The following CADPS2 variants were observed in gnomAD, a reference collection of about 807,000 sequenced individuals.
CADPS2 encodes calcium-dependent secretion activator 2.
In CADPS2, 93 loss-of-function variants were observed where a neutral mutation model predicts 172.5. The ratio of observed to expected loss-of-function variants is 0.54; its 90% CI spans 0.46 to 0.64. The LOEUF is 0.64. Among genes scored for constraint, CADPS2 ranks in the 30% least tolerant of loss-of-function variants. The probability of loss-of-function intolerance (pLI) is 0.00; values close to 1 mark genes in which losing one functional copy is unlikely to be tolerated. For synonymous variants in CADPS2, 546 were observed against 555.2 expected, an observed-to-expected ratio of 0.98 and a Z score of 0.23; for missense variants, 1,420 against 1,565.9, an observed-to-expected ratio of 0.91 and a Z score of 1.57.
At chr7:122,623,206 C>T (rs1172944145) in intron 4 of CADPS2, among the ~76,000 whole-genome samples, 1 of 150,332 alleles carries the variant, frequency 6.7e-6, no homozygotes, top group African/African-American at 2.5e-5. Flanking sequence ...AGGCAACTAC[C>T]CAGCTATAAA....
intron 6 of CADPS2, among the ~76,000 whole-genome samples, chr7:122,588,529 C>T (rs1048385976): frequency 6.6e-6 from 1 of 151,834 alleles, no homozygotes; most frequent in Non-Finnish European, 1.5e-5. Flanking sequence ...GTTAAATTAT[C>T]CTTCTTAAAA....
intron 6 of CADPS2, among the ~76,000 whole-genome samples, chr7:122,610,323 TAAA>T (rs11459230): frequency 6.7e-6 from 1 of 150,204 alleles, no homozygotes; most frequent in Admixed American, 6.6e-5. Flanking sequence ...TTACTATTTG[TAAA>T]AAAAAAGTGT....
chr7:122,539,149 C>T (rs189633997), intron 8 of CADPS2, among the ~76,000 whole-genome samples: 15 of 152,178 alleles, frequency 9.9e-5, no homozygotes, highest in African/African-American at 3.6e-4. Flanking sequence ...ATGTGTCAGA[C>T]ACTTAAAACC....
At chr7:122,430,218 T>C (rs368411305) in intron 17 of CADPS2, among the ~76,000 whole-genome samples, 2 of 152,198 alleles carry the variant, frequency 1.3e-5, no homozygotes, top group Non-Finnish European at 2.9e-5. Flanking sequence ...CTACCTTTTG[T>C]TCAGGGCACC....
chr7:122,349,930 T>C (rs2038284978), intron 27 of CADPS2, among the ~76,000 whole-genome samples: 1 of 152,166 alleles, frequency 6.6e-6, no homozygotes, highest in South Asian at 2.1e-4. Flanking sequence ...AACCTTCCAC[T>C]GAAGGTTAGC....
At chr7:122,509,204 T>G (rs958552207) in intron 9 of CADPS2, among the ~76,000 whole-genome samples, 3 of 152,126 alleles carry the variant, frequency 2.0e-5, no homozygotes, top group African/African-American at 7.2e-5. Context: ...ATTTCAGAAA[T>G]CAATAGGATG....
chr7:122,625,211 C>A (rs772263597), intron 4 of CADPS2, among the ~76,000 whole-genome samples: 9 of 151,970 alleles, frequency 5.9e-5, no homozygotes, highest in Admixed American at 3.9e-4. Flanking sequence ...CCACCACGCC[C>A]GGCTAATTTT....
chr7:122,674,582 C>CCTGCT (rs2082211565), intron 2 of CADPS2, among the ~76,000 whole-genome samples: 1 of 152,192 alleles, frequency 6.6e-6, no homozygotes, highest in Non-Finnish European at 1.5e-5. Flanking sequence ...ACTATATCTG[C>CCTGCT]CAAAAGTAAG....
chr7:122,425,110 C>T (rs2048989079), intron 17 of CADPS2, among the ~76,000 whole-genome samples: 1 of 152,024 alleles, frequency 6.6e-6, no homozygotes, highest in Admixed American at 6.6e-5. Context: ...CCTCAGCCTC[C>T]TAAGTAGCTG....
chr7:122,656,149 TAAGA>T (rs1367638723), intron 3 of CADPS2, among the ~76,000 whole-genome samples: 1 of 151,832 alleles, frequency 6.6e-6, no homozygotes, highest in Non-Finnish European at 1.5e-5. Context: ...GTGCAGAGAG[TAAGA>T]AATTCCTGGA....
intron 8 of CADPS2, among the ~76,000 whole-genome samples, chr7:122,532,705 A>C (rs1033072816): frequency 1.3e-5 from 2 of 152,132 alleles, no homozygotes; most frequent in Admixed American, 1.3e-4. Flanking sequence ...TCTGAAACTT[A>C]AAAAAATGAA....
At chr7:122,692,347 G>A (rs1324186887) in intron 2 of CADPS2, among the ~76,000 whole-genome samples, 2 of 152,202 alleles carry the variant, frequency 1.3e-5, no homozygotes, top group African/African-American at 2.4e-5. Flanking sequence ...ATCACTGGGC[G>A]AGCCTGCAAC....
intron 1 of CADPS2, among the ~76,000 whole-genome samples, chr7:122,834,651 C>T (rs908993979): frequency 6.6e-6 from 1 of 152,222 alleles, no homozygotes; most frequent in Non-Finnish European, 1.5e-5. Context: ...CGGCGCCTGG[C>T]TTGGAGGGTC....
rs537816110 is a variant in CADPS2, at chr7:122,340,448, T to A, written c.3612+5126A>T. ...TTTAGAGAGTTAGGTAGGTTTAGTG[T>A]CTATCTTGAAAAATAAGATGCGCTT... On this transcript the variant is annotated intron_variant, in intron 28 of 29. Transcript: ENST00000449022. Among the ~76,000 whole-genome samples the A allele has an allele frequency of 5.9e-5, 9 of 152,338 alleles. No individual in the cohort carries two copies. The South Asian group carries it at 1.9e-3, about 32-fold the overall frequency.
chr7:122,480,337 T>C (rs1256771326), intron 12 of CADPS2, among the ~76,000 whole-genome samples: 1 of 140,764 alleles, frequency 7.1e-6, no homozygotes, highest in African/African-American at 2.7e-5. Flanking sequence ...ATGCTTAGTT[T>C]TTTAAAAAAT....
chr7:122,553,926 G>C (rs2064663299), intron 8 of CADPS2, among the ~76,000 whole-genome samples: 1 of 151,986 alleles, frequency 6.6e-6, no homozygotes, highest in Non-Finnish European at 1.5e-5. Flanking sequence ...TTTTATTCAA[G>C]AGTTCAGACC....
In CADPS2 at chr7:122,345,699, C is replaced by T. The variant is rs1291802899; in HGVS notation, c.3505-18G>A. 1.4e-6 allele frequency: 2 copies of T among 1,448,832 alleles called. No individual in the cohort carries two copies. The highest frequency in any genetic ancestry group is 1.4e-5 in the African/African-American group (1 of 71,018). The allele number at this position is 1,448,832 out of a possible 1,614,324, so 89.7% of individuals were successfully genotyped here. On this transcript the variant is annotated intron_variant, in intron 27 of 29. Transcript: ENST00000449022. ...CCTGGTTTCTGTTGTGAAGGAAAAGCAGGGGGAACAAAATAATATCAGGTC... is the reference window on the plus strand; with the variant it reads ...CCTGGTTTCTGTTGTGAAGGAAAAGTAGGGGGAACAAAATAATATCAGGTC...
intron 28 of CADPS2, among the ~76,000 whole-genome samples, chr7:122,341,193 T>C (rs983962809): frequency 2.6e-5 from 4 of 152,240 alleles, no homozygotes; most frequent in African/African-American, 7.2e-5. Context: ...CAATGTCATA[T>C]GGCATAGCTA....
At chr7:122,533,976 G>A (rs2062004851) in intron 8 of CADPS2, among the ~76,000 whole-genome samples, 2 of 152,086 alleles carry the variant, frequency 1.3e-5, no homozygotes, top group African/African-American at 4.8e-5. Context: ...ATGCATCTCT[G>A]CTGGCAAATG....
Sources: allele counts gnomAD v4.1 joint callset (sites outside exome capture counted in the v4.1 genomes callset), GRCh38; gene constraint gnomAD v4.1.1; transcripts MANE v1.5; gene names NCBI Gene and HGNC (gene_info 2026-07-23, HGNC 2026-07-21).